DSCAML1: variants seen among roughly 807,000 people sequenced by gnomAD.
The protein encoded by DSCAML1 is cell adhesion molecule DSCAML1.
DSCAML1 carries 38 observed loss-of-function variants against 200.5 expected under a neutral mutation model. That is an observed-to-expected ratio of 0.19 (90% CI 0.15 to 0.25). The LOEUF (loss-of-function observed/expected upper bound fraction) is 0.25. Ranked by LOEUF, DSCAML1 falls within the 10% of genes least tolerant of loss-of-function variation. The pLI is 1.00. For synonymous variants in DSCAML1, 1,215 were observed against 1,165.0 expected (o/e 1.04, Z -0.87); for missense variants, 2,223 against 2,858.8 (o/e 0.78, Z 5.07).
intron 3 of DSCAML1, among the ~76,000 whole-genome samples, chr11:117,591,708 T>A (rs1283333014): frequency 6.6e-6 from 1 of 152,204 alleles, no homozygotes; most frequent in Admixed American, 6.5e-5. Flanking sequence ...GGTGCCAGCA[T>A]CTACGTCCCT....
chr11:117,564,217 C>G (rs2050714139), intron 3 of DSCAML1, among the ~76,000 whole-genome samples: 1 of 152,190 alleles, frequency 6.6e-6, no homozygotes, highest in African/African-American at 2.4e-5. Context: ...AGAAATGTAC[C>G]AGGGTATGGC....
At chr11:117,556,152 A>G (rs894217235) in intron 3 of DSCAML1, among the ~76,000 whole-genome samples, 4 of 152,126 alleles carry the variant, frequency 2.6e-5, no homozygotes, top group Non-Finnish European at 5.9e-5. Flanking sequence ...ATTACAGGAG[A>G]TGAAGCATTA....
At chr11:117,461,745 A>T (rs2048487546) in intron 17 of DSCAML1, 149 bp from the exon 18 acceptor site, 2 of 692,568 alleles carry the variant, frequency 2.9e-6, no homozygotes, top group Non-Finnish European at 4.8e-6. Context: ...GAGCATCCTG[A>T]TTGTTGGGGC....
intron 3 of DSCAML1, among the ~76,000 whole-genome samples, chr11:117,578,679 T>C (rs1212498473): frequency 1.3e-5 from 2 of 151,956 alleles, no homozygotes; most frequent in Non-Finnish European, 2.9e-5. Context: ...CAAAAATCAA[T>C]AAAAAATATA....
chr11:117,805,002 C>T (rs975459740), intron 1 of DSCAML1, among the ~76,000 whole-genome samples: 4 of 152,168 alleles, frequency 2.6e-5, no homozygotes, highest in South Asian at 2.1e-4. Flanking sequence ...TCCAGTCCAG[C>T]GCCATCACCC....
chr11:117,620,709 G>A (rs561348773), intron 3 of DSCAML1, among the ~76,000 whole-genome samples: 1 of 152,352 alleles, frequency 6.6e-6, no homozygotes, highest in Non-Finnish European at 1.5e-5. Context: ...GGCAAGTGGA[G>A]ATCAAACACA....
At chr11:117,747,978 A>G (rs1055996783) in intron 3 of DSCAML1, among the ~76,000 whole-genome samples, 2 of 152,142 alleles carry the variant, frequency 1.3e-5, no homozygotes, top group Admixed American at 6.5e-5. Flanking sequence ...GTTCTCCCCA[A>G]CACAACAGGT....
rs200203283 is a variant in DSCAML1 at position 117,464,899 on chromosome 11, A to G, written c.3265+43T>C. 2,194 of 1,600,582 alleles carry G rather than the reference A, an allele frequency of 1.4e-3. 7 individuals carry two copies. The highest frequency in any genetic ancestry group is 1.8e-3 in the South Asian group (160 of 89,536). On this transcript the variant is annotated intron_variant, in intron 17 of 32. Transcript: ENST00000651296. The stretch of plus-strand genomic sequence containing the variant: ...CTCTCTGGCAGCCCTGGCTCTGCCC[A>G]TGGCAGGAATCTGTGCCCACTCCCT...
intron 14 of DSCAML1, among the ~76,000 whole-genome samples, chr11:117,476,185 G>C (rs115252106): frequency 6.6e-6 from 1 of 152,112 alleles, no homozygotes; most frequent in Non-Finnish European, 1.5e-5. Context: ...ATAAGGAAGC[G>C]GCTGGGGAGA....
intron 3 of DSCAML1, among the ~76,000 whole-genome samples, chr11:117,771,177 C>T (rs559081174): frequency 8.1e-6 from 1 of 124,152 alleles, no homozygotes; most frequent in Admixed American, 8.2e-5. Context: ...GGTGTAGATT[C>T]GTGGGAGCCA....
chr11:117,664,777 C>T (rs1307283927), intron 3 of DSCAML1, among the ~76,000 whole-genome samples: 1 of 152,168 alleles, frequency 6.6e-6, no homozygotes, highest in Non-Finnish European at 1.5e-5. Flanking sequence ...ATTCTCAGAG[C>T]CTCTAGCTGT....
At chr11:117,680,687 G>C (rs2053295223) in intron 3 of DSCAML1, among the ~76,000 whole-genome samples, 1 of 152,214 alleles carries the variant, frequency 6.6e-6, no homozygotes, top group Non-Finnish European at 1.5e-5. Flanking sequence ...ACCAGGGCTT[G>C]TAAGGACAGC....
At chr11:117,511,523 GCTCTC>G (rs2049617252) in intron 8 of DSCAML1, among the ~76,000 whole-genome samples, 1 of 152,158 alleles carries the variant, frequency 6.6e-6, no homozygotes, top group African/African-American at 2.4e-5. Flanking sequence ...TGATCTGTGT[GCTCTC>G]CTCTTAGCAT....
chr11:117,500,040 C>T (rs763807476), intron 11 of DSCAML1, among the ~76,000 whole-genome samples: 2 of 152,238 alleles, frequency 1.3e-5, no homozygotes, highest in Non-Finnish European at 2.9e-5. Flanking sequence ...CACTCTCTGC[C>T]AGACACCCTG....
chr11:117,458,987 C>T (rs1293902647), intron 18 of DSCAML1, 78 bp from the exon 19 acceptor site: 1 of 1,537,168 alleles, frequency 6.5e-7, no homozygotes, highest in Non-Finnish European at 8.8e-7. Context: ...TGCCTGGGCT[C>T]TGCCCACACC....
intron 8 of DSCAML1, among the ~76,000 whole-genome samples, chr11:117,512,062 G>T (rs543355567): frequency 2.6e-5 from 4 of 152,342 alleles, no homozygotes; most frequent in Admixed American, 2.6e-4. Context: ...GGAGCAGCAT[G>T]GGTTTCAGCC....
At chr11:117,798,349 G>T (rs1019197595), upstream of DSCAML1, among the ~76,000 whole-genome samples, 1 of 152,224 alleles carries the variant, frequency 6.6e-6, no homozygotes, top group East Asian at 1.9e-4. Context: ...GAAATGTGCG[G>T]CCTAAGTTCA....
At chr11:117,811,695 C>T (rs996147924) in intron 1 of DSCAML1, among the ~76,000 whole-genome samples, 6 of 152,332 alleles carry the variant, frequency 3.9e-5, no homozygotes, top group African/African-American at 1.4e-4. Flanking sequence ...GCCCCTGGAA[C>T]TCTGGCCCAA....
intron 3 of DSCAML1, among the ~76,000 whole-genome samples, chr11:117,630,088 T>C (rs1318922766): frequency 6.6e-6 from 1 of 152,190 alleles, no homozygotes; most frequent in Non-Finnish European, 1.5e-5. Flanking sequence ...AGCAGCAGAC[T>C]GCAGACAGAC....
Sources: allele counts gnomAD v4.1 joint callset (sites outside exome capture counted in the v4.1 genomes callset), GRCh38; gene constraint gnomAD v4.1.1; transcripts MANE v1.5; gene names NCBI Gene and HGNC (gene_info 2026-07-23, HGNC 2026-07-21).